MGAM: variants seen among roughly 807,000 people sequenced by gnomAD.
The protein encoded by MGAM is maltase-glucoamylase.
A neutral mutation model predicts 358.8 loss-of-function variants in MGAM; 253 were observed. The observed-to-expected ratio is 0.71, with a 90% confidence interval of 0.64 to 0.78. MGAM has a LOEUF of 0.78. MGAM is among the 30% of genes least tolerant of loss of function. The pLI is 0.00. For missense variants in MGAM, 3,080 were observed against 3,432.6 expected, an observed-to-expected ratio of 0.90 and a Z score of 2.57; for synonymous variants, 1,105 against 1,227.1, an observed-to-expected ratio of 0.90 and a Z score of 2.08.
At chr7:142,027,847 G>A in intron 10 of MGAM, 112 bp downstream of exon 10, 2 of 1,230,128 alleles carry the variant, frequency 1.6e-6, no homozygotes, top group Non-Finnish European at 2.1e-6. Flanking sequence ...ATTTGGTAAT[G>A]AAAGGAGTTT....
chr7:142,092,672 G>A lies in MGAM; in HGVS notation c.7033+64G>A, dbSNP rs1815509832. 1.4e-5 allele frequency: 20 copies of A among 1,397,320 alleles called. 2 individuals are homozygous for A. Among genetic ancestry groups the A allele is most frequent in the Non-Finnish European group, 2.0e-5 (20 of 1,014,232 alleles). 86.6% of individuals were successfully genotyped at this position (1,397,320 alleles called of 1,614,324 possible). ...TTGAAAGAAGGATTACACTGGAGGA[G>A]CCCGAGGCCAGGGGTGGCCGCACAG... On this transcript the variant is annotated intron_variant, in intron 59 of 70. Transcript: ENST00000475668.
chr7:141,994,118 T>C (rs1804065358), upstream of MGAM, among the ~76,000 whole-genome samples: 1 of 152,226 alleles, frequency 6.6e-6, no homozygotes, highest in East Asian at 1.9e-4. Flanking sequence ...TCAGGTGATC[T>C]GTCCACCTCA....
intron 7 of MGAM, among the ~76,000 whole-genome samples, chr7:142,022,657 GGGTTGTGGTGA>G (rs1563121488): frequency 6.6e-6 from 1 of 152,118 alleles, no homozygotes; most frequent in East Asian, 1.9e-4. Flanking sequence ...TATCTCAATA[GGGTTGTGGTGA>G]GGATGAAATG....
Position 142,047,571 on chromosome 7 carries a change from T to C in MGAM, c.2499-214T>C, listed in dbSNP as rs1235777242. ...CTTAAGTTCTTGCCTCTAACATAGA[T>C]GTTATTGTTAATGTTTGGGGTATTT... On this transcript the variant is annotated intron_variant, in intron 21 of 70. Transcript: ENST00000475668. 3.3e-5 allele frequency among the ~76,000 whole-genome samples: 5 copies of C among 152,180 alleles called. No homozygotes were observed. The East Asian group carries it at 5.8e-4, about 18-fold the overall frequency.
chr7:142,014,820 A>C (rs1805845035), intron 3 of MGAM, among the ~76,000 whole-genome samples: 1 of 152,138 alleles, frequency 6.6e-6, no homozygotes. Flanking sequence ...ACTGGTACAC[A>C]ATTGTATAAA....
intron 70 of MGAM, among the ~76,000 whole-genome samples, chr7:142,104,816 G>A (rs1816713244): frequency 1.3e-5 from 2 of 152,098 alleles, no homozygotes; most frequent in African/African-American, 4.8e-5. Context: ...CTGTGTAGTG[G>A]TCCTGACACT....
At chr7:141,993,713 C>T (rs1468517551), upstream of MGAM, among the ~76,000 whole-genome samples, 2 of 152,126 alleles carry the variant, frequency 1.3e-5, no homozygotes, top group African/African-American at 2.4e-5. Context: ...CTGCAAACTA[C>T]AGTGGTGTTA....
intron 8 of MGAM, among the ~76,000 whole-genome samples, chr7:142,025,568 T>C (rs1806888477): frequency 6.6e-6 from 1 of 152,164 alleles, no homozygotes; most frequent in Non-Finnish European, 1.5e-5. Flanking sequence ...CATAGGGTAT[T>C]GATCCATACC....
At chr7:142,045,401 T>TATATTATATATCCCTATAATACATGA (rs1563157753) in intron 21 of MGAM, among the ~76,000 whole-genome samples, 2 of 48,950 alleles carry the variant, frequency 4.1e-5, no homozygotes, top group Non-Finnish European at 8.9e-5. Flanking sequence ...ACATGATATA[T>TATATTATATATCCCTATAATACATGA]TATATATATT....
rs893556799 is a variant in MGAM, at chr7:142,080,738, G to A, written c.5848-53G>A. The A allele has an allele frequency of 3.4e-6, 5 of 1,458,770 alleles. No individual in the cohort carries two copies. The African/African-American group carries it at 4.1e-5, about 12-fold the overall frequency. 90.4% of individuals were successfully genotyped at this position (1,458,770 alleles called of 1,614,324 possible). ...AAAAATCAAAAAGGTTCTGCTAAGG[G>A]TATAGGTTTCAAGAGTAGTATTCTT... is the stretch of plus-strand genomic sequence containing the variant. On this transcript the variant is annotated intron_variant, in intron 49 of 70. Coordinates refer to ENST00000475668, the MANE Select transcript of MGAM (RefSeq NM_001365693.1).
chr7:142,067,960 ATATAAATATATATATATATATATATATT>A (rs1374830847), intron 42 of MGAM, among the ~76,000 whole-genome samples: 7 of 40,180 alleles, frequency 1.7e-4, no homozygotes, highest in African/African-American at 3.7e-4. Flanking sequence ...ATATATATAT[ATATAAATATATATATATATATATATATT>A]TTTTTTTTTT....
At chr7:142,098,658 G>T (rs1005595246) in intron 66 of MGAM, among the ~76,000 whole-genome samples, 1 of 152,070 alleles carries the variant, frequency 6.6e-6, no homozygotes. Flanking sequence ...ACATGTTAAG[G>T]CTCTGCTATG....
Position 142,019,213 on chromosome 7 carries a change from A to G in MGAM, c.342A>G (p.Gln114=), listed in dbSNP as rs782466804. The G allele has an allele frequency of 3.1e-6, 5 of 1,613,394 alleles. No individual in the cohort carries two copies. In the Admixed American group the frequency reaches 5.0e-5, roughly 16 times the overall value. Residue 114 remains glutamine (Q), a synonymous_variant, in exon 4 of 71, where the codon CAA becomes CAG. Transcript: ENST00000475668. ...TCTTGTTTCAGGCCACATGTGACCAACGTGGCTGTTGCTGGAATCCCCAGG... is the reference window on the plus strand; with the variant it reads ...TCTTGTTTCAGGCCACATGTGACCAGCGTGGCTGTTGCTGGAATCCCCAGG... ...DQPPTKATCD[Q]RGCCWNPQGA...
intron 33 of MGAM, 23 bp downstream of exon 33, chr7:142,059,989 A>T (rs1462342622): frequency 6.4e-7 from 1 of 1,571,274 alleles, no homozygotes; most frequent in South Asian, 1.2e-5. Context: ...GCGATGATCC[A>T]CTAGTCCCCA....
rs1807777757 is a variant in MGAM at position 142,034,303 on chromosome 7, G to A, written c.1711G>A (p.Asp571Asn). Residue 571 changes from aspartate to asparagine, a missense_variant, in exon 15 of 71, where the codon GAT (aspartate) becomes AAT (asparagine). By Grantham distance (23) the Asp-to-Asn change is conservative. Transcript: ENST00000475668. ...GYLFCKTLCM[D>N]AVQHWGKQYD... ...CCTGTTCTGCAAGACTCTCTGTATG[G>A]ATGCAGTGCAGCACTGGGGCAAGCA... The A allele has an allele frequency of 6.2e-7, 1 of 1,600,158 alleles. No homozygotes were observed. The highest frequency in any genetic ancestry group is 8.5e-7 in the Non-Finnish European group (1 of 1,173,218).
rs139960878 is a variant in MGAM at position 142,103,782 on chromosome 7, TG to T, written c.8184+344del. Among the ~76,000 whole-genome samples, 1,304 of 152,216 alleles carry T rather than the reference TG, an allele frequency of 8.6e-3. 23 individuals carry two copies. The highest frequency in any genetic ancestry group is 0.029 in the African/African-American group (1,211 of 41,508). On this transcript the variant is annotated intron_variant, in intron 70 of 70. Transcript: ENST00000475668. ...CAAATATGATACCATCAGTGAAAAT[TG>T]CTTCATTATTTCATGTGCCACAAAG...
At chr7:142,024,452 C>T (rs542725205) in intron 7 of MGAM, among the ~76,000 whole-genome samples, 7 of 151,896 alleles carry the variant, frequency 4.6e-5, no homozygotes, top group Admixed American at 1.3e-4. Context: ...ACTAAAATGC[C>T]CATGTAGTTT....
intron 55 of MGAM, 46 bp from the exon 56 acceptor site, chr7:142,086,172 T>C: frequency 6.8e-7 from 1 of 1,475,082 alleles, no homozygotes; most frequent in African/African-American, 1.4e-5. Flanking sequence ...TTTCTCTTCA[T>C]TCTGTGGCTT....
rs1216864450 is a variant in MGAM at position 142,063,604 on chromosome 7, C to T, written c.4345+18C>T. The T allele has an allele frequency of 1.2e-6, 2 of 1,610,710 alleles. No homozygotes were observed. The highest frequency in any genetic ancestry group is 1.7e-5 in the Admixed American group (1 of 59,582). The stretch of plus-strand genomic sequence containing the variant: ...CATGCCACGTAAGAAGCCTTGGCCT[C>T]CTTGACTGGCAGAGCCATGACTGGA... On this transcript the variant is annotated intron_variant, in intron 36 of 70. Transcript: ENST00000475668.
Sources: gnomAD v4.1 joint callset for allele counts (sites outside exome capture counted in the v4.1 genomes callset) on GRCh38, gnomAD v4.1.1 for gene constraint, MANE v1.5 for transcripts, NCBI Gene and HGNC (gene_info 2026-07-23, HGNC 2026-07-21) for gene names.